AP3B2: variants seen among roughly 807,000 people sequenced by gnomAD.
AP3B2 encodes AP-3 complex subunit beta-2.
Under a neutral mutation model 126.9 loss-of-function variants are expected in AP3B2, and 50 were observed. The observed-to-expected ratio is 0.39, with a 90% CI of 0.31 to 0.50. The LOEUF (loss-of-function observed/expected upper bound fraction) is 0.50, where lower values mean the gene tolerates loss of function less well. Among genes scored for constraint, AP3B2 ranks in the 20% least tolerant of loss-of-function variants. The pLI, the probability that AP3B2 is intolerant of heterozygous loss-of-function variation, is 0.79. For synonymous variants in AP3B2, 541 were observed against 565.0 expected (o/e 0.96, Z 0.60); for missense variants, 1,177 against 1,426.4 (o/e 0.83, Z 2.82).
At chr15:82,694,572 C>T (rs1188211488) in intron 1 of AP3B2, among the ~76,000 whole-genome samples, 1 of 151,914 alleles carries the variant, frequency 6.6e-6, no homozygotes, top group Non-Finnish European at 1.5e-5. Context: ...GTAGTCACAG[C>T]TACTCAGGAG....
Position 82,692,267 on chromosome 15 carries a change from C to A in AP3B2, c.114-2814G>T, listed in dbSNP as rs534395485. The A allele has an allele frequency of 6.1e-6, 5 of 825,658 alleles. No homozygotes were observed. In the East Asian group the frequency reaches 1.4e-4, roughly 23 times the overall value. The allele number at this position is 825,658 out of a possible 1,614,324, so 51.1% of individuals were successfully genotyped here. On this transcript the variant is annotated intron_variant, in intron 1 of 26. Coordinates refer to ENST00000535359, the MANE Select transcript of AP3B2 (RefSeq NM_001278512.2). The stretch of plus-strand genomic sequence containing the variant: ...CATTCTTAAGCTTGATCTTGCGGAT[C>A]CGGCCGTACTTGTAGAAAAGGTCTT...
At chr15:82,679,833 C>G in intron 9 of AP3B2, 33 bp from the exon 10 acceptor site, 1 of 1,601,516 alleles carries the variant, frequency 6.2e-7, no homozygotes, top group Non-Finnish European at 8.6e-7. Context: ...GGAGCTCCAC[C>G]GAAGCCCCAG....
chr15:82,663,741 C>G (rs574371408), intron 20 of AP3B2, 60 bp downstream of exon 20: 2 of 1,597,262 alleles, frequency 1.3e-6, no homozygotes, highest in Non-Finnish European at 1.7e-6. Flanking sequence ...GGGCCTGGCC[C>G]AGAGGTTGGG....
chr15:82,662,827 A>G lies in AP3B2; in HGVS notation c.2700T>C (p.Pro900=), dbSNP rs753536679. 6.2e-7 allele frequency: 1 copy of G among 1,613,748 alleles called. No homozygotes were observed. The highest frequency in any genetic ancestry group is 1.1e-5 in the South Asian group (1 of 91,022). Residue 900 remains proline (P), a synonymous_variant, in exon 23 of 27, where the codon CCT becomes CCC. Coordinates refer to ENST00000535359, the MANE Select transcript of AP3B2 (RefSeq NM_001278512.2). ...LAVDYTFSRQ[P]FSGDPHMVSV... ...ACACCATGTGGGGATCCCCGGAGAAAGGTTGGCGGCTGAAGGTGTAGTCCA... is the reference window on the plus strand; with the variant it reads ...ACACCATGTGGGGATCCCCGGAGAAGGGTTGGCGGCTGAAGGTGTAGTCCA...
chr15:82,675,228 G>T (rs922387048), intron 14 of AP3B2, among the ~76,000 whole-genome samples: 1 of 152,320 alleles, frequency 6.6e-6, no homozygotes, highest in East Asian at 1.9e-4. Context: ...ACATGGTCCA[G>T]TGTCTCTCCT....
chr15:82,663,236 G>C lies in AP3B2; in HGVS notation c.2498-3C>G, dbSNP rs1188685282. 1 of 1,609,746 alleles carries C rather than the reference G, an allele frequency of 6.2e-7. No homozygotes were observed. The highest frequency in any genetic ancestry group is 1.1e-5 in the South Asian group (1 of 90,484). On this transcript the variant is annotated splice_region_variant and splice_polypyrimidine_tract_variant and intron_variant, in intron 21 of 26. Coordinates refer to ENST00000535359, the MANE Select transcript of AP3B2 (RefSeq NM_001278512.2). ...AGGCTGGACACTGGGAGGGGTGACT[G>C]TGGGAGTAGATAAGACTATGAGGAG...
At chr15:82,677,985 C>A in intron 11 of AP3B2, 120 bp downstream of exon 11, 2 of 1,386,406 alleles carry the variant, frequency 1.4e-6, no homozygotes, top group Non-Finnish European at 9.9e-7. Context: ...CACATTGGAA[C>A]GGGAATGTAA....
At chr15:82,696,375 C>G (rs961271304) in intron 1 of AP3B2, among the ~76,000 whole-genome samples, 1 of 152,102 alleles carries the variant, frequency 6.6e-6, no homozygotes, top group African/African-American at 2.4e-5. Flanking sequence ...GTCAGGAGTT[C>G]GAGATTAGCC....
chr15:82,680,039 C>T lies in AP3B2; in HGVS notation c.1110+136G>A. On this transcript the variant is annotated intron_variant, in intron 9 of 26. Coordinates refer to ENST00000535359, the MANE Select transcript of AP3B2 (RefSeq NM_001278512.2). The surrounding 1 kb of genome is among the most constrained non-coding windows in gnomAD (Gnocchi z 6.1). Reference sequence around the variant, plus strand: ...TCCCTATCTGTATTTGGAGCCTCCCCTGCCCCATCCTCTGCACAGCCAGGG... The same window carrying T: ...TCCCTATCTGTATTTGGAGCCTCCCTTGCCCCATCCTCTGCACAGCCAGGG... 7.7e-7 allele frequency: 1 copy of T among 1,292,088 alleles called. No individual in the cohort carries two copies. Among genetic ancestry groups the T allele is most frequent in the Non-Finnish European group, 1.1e-6 (1 of 932,052 alleles). The allele number at this position is 1,292,088 out of a possible 1,614,324, so 80.0% of individuals were successfully genotyped here.
At chr15:82,689,500 G>T in intron 1 of AP3B2, 47 bp from the exon 2 acceptor site, 1 of 1,577,834 alleles carries the variant, frequency 6.3e-7, no homozygotes, top group Non-Finnish European at 8.7e-7. Context: ...GGGTGGGGAT[G>T]GGGTATTAAT....
intron 14 of AP3B2, among the ~76,000 whole-genome samples, chr15:82,675,892 A>G (rs1311903570): frequency 2.6e-5 from 4 of 152,082 alleles, no homozygotes; most frequent in Non-Finnish European, 5.9e-5. Flanking sequence ...TCCTGGAACC[A>G]TCTCAGGAGA....
chr15:82,676,752 T>A, intron 13 of AP3B2, 115 bp from the exon 14 acceptor site: 1 of 1,079,742 alleles, frequency 9.3e-7, no homozygotes, highest in Non-Finnish European at 1.3e-6. Flanking sequence ...GTATTATGGG[T>A]TCTCTGGAAA....
intron 1 of AP3B2, among the ~76,000 whole-genome samples, chr15:82,697,660 T>C (rs149041027): frequency 1.4e-3 from 219 of 152,346 alleles, no homozygotes; most frequent in African/African-American, 4.9e-3. Flanking sequence ...AGATTTTTGA[T>C]GGAAAGCAAA....
chr15:82,701,021 T>A (rs1376455499), intron 1 of AP3B2, among the ~76,000 whole-genome samples: 1 of 152,106 alleles, frequency 6.6e-6, no homozygotes, highest in Non-Finnish European at 1.5e-5. Flanking sequence ...TTACCACAAC[T>A]GGCTAATTTT....
intron 12 of AP3B2, 81 bp downstream of exon 12, chr15:82,677,590 G>A: frequency 6.9e-7 from 1 of 1,458,626 alleles, no homozygotes; most frequent in South Asian, 1.4e-5. Context: ...CAGACTGGTG[G>A]ATATCCAGTG....
chr15:82,678,884 T>C (rs2048285479), intron 10 of AP3B2, among the ~76,000 whole-genome samples: 2 of 152,212 alleles, frequency 1.3e-5, no homozygotes, highest in Non-Finnish European at 2.9e-5. Context: ...ACATAGTGGA[T>C]GTTCACAAGG....
At position 82,680,539 on chromosome 15, in the gene AP3B2, G is replaced by A; in HGVS notation, c.988C>T (p.His330Tyr). The A allele has an allele frequency of 6.4e-7, 1 of 1,557,432 alleles. No individual in the cohort carries two copies. The highest frequency in any genetic ancestry group is 8.6e-7 in the Non-Finnish European group (1 of 1,158,500). ...VVMAVAQLYFHLAPKAEVGVI... is the reference protein window; with the variant it reads ...VVMAVAQLYFYLAPKAEVGVI... ...CCCACTTCCGCCTTGGGCGCCAGGT[G>A]GAAGTAGAGCTGCGCCACCGCCATC... Residue 330 changes from histidine to tyrosine, a missense_variant, in exon 8 of 27, where the codon CAC (histidine) becomes TAC (tyrosine). By Grantham distance (83) the His-to-Tyr change is moderately conservative (BLOSUM62 2). Around this residue, in one of 5 missense-constraint regions of AP3B2, gnomAD observed 308 missense variants for 452.4 expected, o/e 0.68. Transcript: ENST00000535359. This position sits in a 1 kb window ranked among gnomAD's most constrained non-coding sequence, Gnocchi z 6.1.
chr15:82,676,451 TA>T lies in AP3B2; in HGVS notation c.1665+9del. The T allele has an allele frequency of 6.2e-7, 1 of 1,613,358 alleles. No homozygotes were observed. The highest frequency in any genetic ancestry group is 8.5e-7 in the Non-Finnish European group (1 of 1,179,506). On this transcript the variant is annotated intron_variant, in intron 14 of 26. Coordinates refer to ENST00000535359, the MANE Select transcript of AP3B2 (RefSeq NM_001278512.2). Reference sequence around the variant, plus strand: ...CCAGAGTATCTGGGGGGTCATCTCTTAATCTTTACCTGTTTAGAGTTGGTCA... The same window carrying T: ...CCAGAGTATCTGGGGGGTCATCTCTTATCTTTACCTGTTTAGAGTTGGTCA...
In AP3B2 at chr15:82,680,178, G is replaced by C. The variant is rs1180917814; in HGVS notation, c.1107C>G (p.Arg369=). Residue 369 remains arginine (R), a synonymous_variant, in exon 9 of 27, where the codon CGC becomes CGG. Transcript: ENST00000535359. The surrounding 1 kb of genome is among the most constrained non-coding windows in gnomAD (Gnocchi z 6.1). ...LQNVATMSIK[R]RGMFEPYLKS... is the part of the protein sequence containing the mutation. ...CAGCCCGCCGTCGCAGGCTCACCCG[G>C]CGCTTGATGGACATGGTGGCCACGT... 1 of 1,613,378 alleles carries C rather than the reference G, an allele frequency of 6.2e-7. No homozygotes were observed. The highest frequency in any genetic ancestry group is 8.5e-7 in the Non-Finnish European group (1 of 1,179,798).
Sources: gnomAD v4.1 joint callset for allele counts (sites outside exome capture counted in the v4.1 genomes callset) on GRCh38, gnomAD v4.1.1 for gene constraint, gnomAD v4.1.1 regional missense constraint, Gnocchi (gnomAD v3.1) non-coding constraint, MANE v1.5 for transcripts, NCBI Gene and HGNC (gene_info 2026-07-23, HGNC 2026-07-21) for gene names.